MYO9A: variants seen among roughly 807,000 people sequenced by gnomAD.
The protein encoded by MYO9A is unconventional myosin-IXa.
A neutral mutation model predicts 293.3 loss-of-function variants in MYO9A; 103 were observed. That is an observed-to-expected ratio of 0.35 (90% CI 0.30 to 0.41). The LOEUF (loss-of-function observed/expected upper bound fraction) is 0.41, where lower values mean the gene tolerates loss of function less well. Among genes scored for constraint, MYO9A ranks in the 10% least tolerant of loss-of-function variants. The pLI is 1.00. For missense variants in MYO9A, 2,685 were observed against 3,033.0 expected (o/e 0.89, Z 2.69); for synonymous variants, 1,001 against 1,035.7 (o/e 0.97, Z 0.64).
chr15:71,985,140 G>T (rs2076377406), intron 11 of MYO9A, among the ~76,000 whole-genome samples: 1 of 152,058 alleles, frequency 6.6e-6, no homozygotes. Flanking sequence ...GGCTGGTCTT[G>T]AACTCCTGAC....
chr15:72,002,570 G>C (rs892818062), intron 8 of MYO9A, among the ~76,000 whole-genome samples: 4 of 152,120 alleles, frequency 2.6e-5, no homozygotes, highest in Non-Finnish European at 4.4e-5. Context: ...AGCATTGAAA[G>C]ATCTCAAAAA....
At chr15:72,103,491 A>AAGC (rs2080457898) in intron 1 of MYO9A, among the ~76,000 whole-genome samples, 1 of 150,316 alleles carries the variant, frequency 6.7e-6, no homozygotes, top group Admixed American at 6.6e-5. Context: ...AGCAGCGCAG[A>AAGC]AGCAGAAGCA....
Position 71,905,038 on chromosome 15 carries a change from C to T in MYO9A, c.2686-32G>A. On this transcript the variant is annotated intron_variant, in intron 19 of 41. Transcript: ENST00000356056. The stretch of plus-strand genomic sequence containing the variant: ...CAGAAAGCAATATAATTATCATACT[C>T]TTCCATTCCAAACTATTAACAAATA... 3 of 1,525,034 alleles carry T rather than the reference C, an allele frequency of 2.0e-6. No individual in the cohort carries two copies. In the South Asian group the frequency reaches 3.6e-5, roughly 18 times the overall value. The allele number at this position is 1,525,034 out of a possible 1,614,324, so 94.5% of individuals were successfully genotyped here.
intron 12 of MYO9A, among the ~76,000 whole-genome samples, chr15:71,972,633 G>A (rs1231536968): frequency 1.3e-5 from 2 of 152,210 alleles, no homozygotes; most frequent in African/African-American, 4.8e-5. Flanking sequence ...ATGTCTTCAT[G>A]TTGATTGTTA....
intron 1 of MYO9A, among the ~76,000 whole-genome samples, chr15:72,064,678 T>C (rs1053552190): frequency 7.2e-5 from 11 of 152,108 alleles, no homozygotes; most frequent in Admixed American, 7.2e-4. Context: ...CCGCCACACA[T>C]CTAAGAATAA....
intron 1 of MYO9A, among the ~76,000 whole-genome samples, chr15:72,063,578 TGGGCAA>T (rs1387211441): frequency 1.3e-5 from 2 of 152,084 alleles, no homozygotes; most frequent in Non-Finnish European, 2.9e-5. Flanking sequence ...GATTTTAAAA[TGGGCAA>T]AAGACTGGAA....
At chr15:71,854,270 C>T (rs2055776019) in intron 35 of MYO9A, 107 bp downstream of exon 35, 4 of 930,128 alleles carry the variant, frequency 4.3e-6, no homozygotes, top group Non-Finnish European at 6.0e-6. Context: ...AGAATGCATT[C>T]TTCTGGCTGC....
At chr15:71,884,937 C>T (rs953191308) in intron 27 of MYO9A, among the ~76,000 whole-genome samples, 1 of 150,194 alleles carries the variant, frequency 6.7e-6, no homozygotes, top group African/African-American at 2.5e-5. Context: ...GGTTTTGAAG[C>T]CCATGAGCTC....
intron 1 of MYO9A, among the ~76,000 whole-genome samples, chr15:72,101,027 AGCCCCCCGCCCG>A (rs2080283255): frequency 7.9e-6 from 1 of 127,284 alleles, no homozygotes; most frequent in Non-Finnish European, 1.7e-5. Context: ...TAGGCGGGTC[AGCCCCCCGCCCG>A]GCCAGCCGCC....
rs528237494 is a variant in MYO9A at position 71,923,806 on chromosome 15, A to C, written c.2563-7314T>G. ...TTTCAAAACACTAACTCTTAATTTCATTAACGTTTTGTATTTTTAAGCCTC... is the reference window on the plus strand; with the variant it reads ...TTTCAAAACACTAACTCTTAATTTCCTTAACGTTTTGTATTTTTAAGCCTC... On this transcript the variant is annotated intron_variant, in intron 18 of 41. Transcript: ENST00000356056. Among the ~76,000 whole-genome samples the C allele has an allele frequency of 3.3e-5, 5 of 152,166 alleles. No individual in the cohort carries two copies. The East Asian group carries it at 7.7e-4, about 23-fold the overall frequency.
intron 15 of MYO9A, among the ~76,000 whole-genome samples, chr15:71,943,109 T>C (rs973581342): frequency 2.0e-5 from 3 of 152,038 alleles, no homozygotes; most frequent in Non-Finnish European, 4.4e-5. Flanking sequence ...AAACCATTTA[T>C]ATTAATTTTA....
chr15:72,033,159 T>A (rs1048033485), intron 2 of MYO9A, among the ~76,000 whole-genome samples: 8 of 152,104 alleles, frequency 5.3e-5, no homozygotes, highest in African/African-American at 1.9e-4. Context: ...CCAAAATAAA[T>A]CATAATTTTA....
At chr15:71,962,173 G>A (rs185226511) in intron 13 of MYO9A, among the ~76,000 whole-genome samples, 174 of 152,270 alleles carry the variant, frequency 1.1e-3, no homozygotes, top group African/African-American at 3.6e-3. Flanking sequence ...TCCACTCTGG[G>A]AACAAGGGCC....
intron 18 of MYO9A, among the ~76,000 whole-genome samples, chr15:71,922,945 G>A (rs564686044): frequency 5.9e-5 from 9 of 152,104 alleles, no homozygotes; most frequent in African/African-American, 9.6e-5. Flanking sequence ...TGGTGAAAGC[G>A]GGCATCCTTG....
chr15:72,049,645 A>T (rs1040298923), intron 1 of MYO9A, among the ~76,000 whole-genome samples: 3 of 152,244 alleles, frequency 2.0e-5, no homozygotes, highest in African/African-American at 7.2e-5. Context: ...TCAGATCGTC[A>T]GCAGCATGAG....
intron 32 of MYO9A, among the ~76,000 whole-genome samples, chr15:71,869,621 A>C (rs965902777): frequency 6.6e-6 from 1 of 152,184 alleles, no homozygotes; most frequent in African/African-American, 2.4e-5. Flanking sequence ...TTCTCTTGCA[A>C]CTTTTCTATA....
At chr15:71,892,565 G>A (rs1464055833) in intron 26 of MYO9A, 4 of 155,204 alleles carry the variant, frequency 2.6e-5, no homozygotes, top group African/African-American at 4.8e-5. Context: ...TGTTTACTTA[G>A]TGTCTATGGC....
At chr15:71,946,754 C>T (rs2146354196) in intron 15 of MYO9A, among the ~76,000 whole-genome samples, 1 of 152,368 alleles carries the variant, frequency 6.6e-6, no homozygotes, top group Non-Finnish European at 1.5e-5. Flanking sequence ...AACATTTCCA[C>T]ATCGCAGAAA....
intron 3 of MYO9A, 74 bp from the exon 4 acceptor site, chr15:72,027,867 G>T: frequency 1.8e-6 from 2 of 1,112,838 alleles, no homozygotes; most frequent in Non-Finnish European, 2.7e-6. Flanking sequence ...TGGAGACAGT[G>T]TAAAAGTATA....
Sources: gnomAD v4.1 joint callset for allele counts (sites outside exome capture counted in the v4.1 genomes callset) on GRCh38, gnomAD v4.1.1 for gene constraint, MANE v1.5 for transcripts, NCBI Gene and HGNC (gene_info 2026-07-23, HGNC 2026-07-21) for gene names.